SUMF2: variants seen among roughly 807,000 people sequenced by gnomAD.
SUMF2 encodes the protein sulfatase modifying factor 2, also known as inactive C-alpha-formylglycine-generating enzyme 2.
In SUMF2, 45 loss-of-function variants were observed where a neutral mutation model predicts 44.8. That is an observed-to-expected ratio of 1.00 (90% CI 0.79 to 1.29). The LOEUF is 1.29. Among genes scored for constraint, SUMF2 ranks in the 50% most tolerant of loss-of-function variants. The pLI, the probability that SUMF2 is intolerant of heterozygous loss-of-function variation, is 0.00. For missense variants in SUMF2, 418 were observed against 389.9 expected, an observed-to-expected ratio of 1.07 and a Z score of -0.61; for synonymous variants, 148 against 150.4, an observed-to-expected ratio of 0.98 and a Z score of 0.12.
intron 5 of SUMF2, among the ~76,000 whole-genome samples, chr7:56,075,553 G>A (rs1256067964): frequency 6.6e-6 from 1 of 151,800 alleles, no homozygotes; most frequent in Non-Finnish European, 1.5e-5. Flanking sequence ...AAAAAAATTA[G>A]CTGGGCTTGG....
At chr7:56,077,433 G>A (rs1359757796) in intron 6 of SUMF2, among the ~76,000 whole-genome samples, 3 of 150,350 alleles carry the variant, frequency 2.0e-5, no homozygotes, top group Non-Finnish European at 4.4e-5. Flanking sequence ...AGGCCGAGGC[G>A]GGTGGATCAC....
downstream of SUMF2, chr7:56,081,519 G>A (rs958646698): frequency 2.2e-6 from 3 of 1,343,658 alleles, no homozygotes; most frequent in African/African-American, 4.3e-5. This position sits in a 1 kb window ranked among gnomAD's most constrained non-coding sequence, Gnocchi z 4.6. Context: ...AGCTGGGAGG[G>A]GAGGGATGGG....
At chr7:56,074,454 T>G (rs1188888801) in intron 4 of SUMF2, 132 bp from the exon 5 acceptor site, 2 of 1,243,716 alleles carry the variant, frequency 1.6e-6, no homozygotes, top group Non-Finnish European at 2.2e-6. Flanking sequence ...CGACCACTGG[T>G]CACTCACCCG....
chr7:56,074,560 C>T (rs1159941141), intron 4 of SUMF2, 26 bp from the exon 5 acceptor site: 1 of 1,610,660 alleles, frequency 6.2e-7, no homozygotes, highest in South Asian at 1.1e-5. Flanking sequence ...TCCCGGAAGC[C>T]TGTCTCACTT....
rs758422152 is a variant in SUMF2 at position 56,074,707 on chromosome 7, G to A, written c.506G>A (p.Trp169Ter). 6.2e-7 allele frequency: 1 copy of A among 1,614,124 alleles called. No homozygotes were observed. Among genetic ancestry groups the A allele is most frequent in the Non-Finnish European group, 8.5e-7 (1 of 1,180,022 alleles). Residue 169 changes from tryptophan to a stop codon, truncating the protein, a stop_gained, in exon 5 of 9, where the codon TGG becomes TAG. Transcript: ENST00000434526. LOFTEE classifies it high-confidence loss of function. ...RGKRLPTEEEWEFAARGGLKG... is the reference protein window; with the variant it reads ...RGKRLPTEEE The stretch of plus-strand genomic sequence containing the variant: ...AAACGACTGCCCACGGAGGAAGAGT[G>A]GGAGTTTGCCGCCCGAGGGGGCTTG...
At chr7:56,083,532 G>A, downstream of SUMF2, 2 of 1,537,844 alleles carry the variant, frequency 1.3e-6, no homozygotes, top group Non-Finnish European at 1.8e-6. Flanking sequence ...CACACTGCAA[G>A]GGAGCAGCAC....
At position 56,078,377 on chromosome 7, in the gene SUMF2, C is replaced by A. The variant is rs745548388; in HGVS notation, c.690C>A (p.Leu230=). 6.2e-7 allele frequency: 1 copy of A among 1,608,394 alleles called. No individual in the cohort carries two copies. Among genetic ancestry groups the A allele is most frequent in the South Asian group, 1.1e-5 (1 of 90,448 alleles). ...PAQNNYGLYD[L]LGNVWEWTAS... is the part of the protein sequence containing the mutation. ...GTGGGGCTGCAGGGCTCTATGACCT[C>A]CTGGGGAACGTGTGGGAGTGGACAG... is the stretch of plus-strand genomic sequence containing the variant. The change falls in exon 8 of 9, where the codon CTC becomes CTA. Residue 230 remains leucine (L), a synonymous_variant. Transcript: ENST00000434526.
chr7:56,077,431 G>A (rs1795637639), intron 6 of SUMF2, among the ~76,000 whole-genome samples: 1 of 150,464 alleles, frequency 6.6e-6, no homozygotes, highest in Admixed American at 6.6e-5. Flanking sequence ...GGAGGCCGAG[G>A]CGGGTGGATC....
downstream of SUMF2, chr7:56,081,336 C>T (rs765959837): frequency 8.4e-5 from 132 of 1,573,838 alleles, no homozygotes; most frequent in Non-Finnish European, 9.9e-5. The surrounding 1 kb of genome is among the most constrained non-coding windows in gnomAD (Gnocchi z 4.6). Context: ...CTGCAGCCCC[C>T]GCCCTGCCAG....
At chr7:56,074,328 G>A (rs1391808445) in intron 4 of SUMF2, 110 bp downstream of exon 4, 2 of 1,255,678 alleles carry the variant, frequency 1.6e-6, no homozygotes, top group Non-Finnish European at 2.3e-6. Flanking sequence ...TTTCAAAGAA[G>A]GATAGGGGAA....
chr7:56,079,907 G>A lies in SUMF2; in HGVS notation c.*295G>A, dbSNP rs2117514350. On this transcript the variant is annotated 3_prime_UTR_variant, in exon 9 of 9. Transcript: ENST00000434526. ...CAAACACACAAACAATTGGAACAGA[G>A]CACTCTGAAAGGCCATTTTTTAAGC... 1 of 1,484,384 alleles carries A rather than the reference G, an allele frequency of 6.7e-7. No homozygotes were observed. The highest frequency in any genetic ancestry group is 9.0e-7 in the Non-Finnish European group (1 of 1,110,096). 92.0% of individuals were successfully genotyped at this position (1,484,384 alleles called of 1,614,324 possible).
intron 5 of SUMF2, among the ~76,000 whole-genome samples, chr7:56,076,290 T>C (rs1173483463): frequency 6.6e-6 from 1 of 151,816 alleles, no homozygotes; most frequent in Non-Finnish European, 1.5e-5. Context: ...CCTCCCAAAG[T>C]GCTGGGATTA....
In SUMF2 at chr7:56,078,350, C is replaced by T. The variant is rs376009867; in HGVS notation, c.677-14C>T. The T allele has an allele frequency of 1.5e-5, 24 of 1,584,238 alleles. No homozygotes were observed. The highest frequency in any genetic ancestry group is 2.3e-5 in the East Asian group (1 of 44,342). On this transcript the variant is annotated splice_polypyrimidine_tract_variant and intron_variant, in intron 7 of 8. Transcript: ENST00000434526. Reference sequence around the variant, plus strand: ...CGGGTCCCAGCCTGGCCTGACCCGCCGGTGGGGCTGCAGGGCTCTATGACC... The same window carrying T: ...CGGGTCCCAGCCTGGCCTGACCCGCTGGTGGGGCTGCAGGGCTCTATGACC...
At chr7:56,084,900 T>C (rs942551213), downstream of SUMF2, among the ~76,000 whole-genome samples, 3 of 152,114 alleles carry the variant, frequency 2.0e-5, no homozygotes, top group Non-Finnish European at 4.4e-5. Flanking sequence ...GTTAAAGACA[T>C]TTGAGCTGTC....
At chr7:56,084,309 G>T, downstream of SUMF2, 1 of 946,740 alleles carries the variant, frequency 1.1e-6, no homozygotes, top group Non-Finnish European at 1.6e-6. Context: ...GGCTGAAAGA[G>T]GGGACTATGA....
intron 2 of SUMF2, 46 bp from the exon 3 acceptor site, chr7:56,072,951 G>T (rs756453397): frequency 7.0e-7 from 1 of 1,432,714 alleles, no homozygotes; most frequent in East Asian, 2.3e-5. Flanking sequence ...AGATGGGGTG[G>T]GCACAGAACC....
the SUMF2 span, chr7:56,087,758 G>C: frequency 1.1e-5 from 17 of 1,612,350 alleles, no homozygotes; most frequent in Non-Finnish European, 1.4e-5. Flanking sequence ...TGCATCGCCT[G>C]ACCACACTGC....
chr7:56,075,608 G>A (rs62457285), intron 5 of SUMF2, among the ~76,000 whole-genome samples: 39,363 of 150,780 alleles, frequency 0.26, 5,425 homozygotes, highest in Admixed American at 0.34. Flanking sequence ...CTGAGGCAGG[G>A]GAATGGCGTG....
chr7:56,065,166 C>T (rs1794691693), intron 1 of SUMF2, among the ~76,000 whole-genome samples: 1 of 141,732 alleles, frequency 7.1e-6, no homozygotes, highest in African/African-American at 2.7e-5. Flanking sequence ...GCACTCCAGC[C>T]TGGGCGACAG....
Sources: allele counts gnomAD v4.1 joint callset (sites outside exome capture counted in the v4.1 genomes callset), GRCh38; gene constraint gnomAD v4.1.1; non-coding constraint Gnocchi (gnomAD v3.1); transcripts MANE v1.5; gene names NCBI Gene and HGNC (gene_info 2026-07-23, HGNC 2026-07-21).